Variants in MTA3 observed in about 807,000 individuals in gnomAD.
MTA3 encodes the protein metastasis-associated protein MTA3.
In MTA3, 34 loss-of-function variants were observed where a neutral mutation model predicts 83.5. The ratio of observed to expected loss-of-function variants is 0.41; its 90% confidence interval spans 0.31 to 0.54. The LOEUF is 0.54. MTA3 is among the 20% of genes least tolerant of loss of function. The pLI is 0.33. For missense variants in MTA3, 761 were observed against 726.4 expected, an observed-to-expected ratio of 1.05 and a Z score of -0.55; for synonymous variants, 303 against 252.7, an observed-to-expected ratio of 1.20 and a Z score of -1.89.
At chr2:42,680,776 G>A (rs1691815816) in intron 8 of MTA3, among the ~76,000 whole-genome samples, 1 of 152,078 alleles carries the variant, frequency 6.6e-6, no homozygotes, top group South Asian at 2.1e-4. Context: ...TTAAAAAATA[G>A]GGCATCACTC....
At chr2:42,728,340 T>C (rs1667969025) in intron 16 of MTA3, among the ~76,000 whole-genome samples, 1 of 152,364 alleles carries the variant, frequency 6.6e-6, no homozygotes, top group African/African-American at 2.4e-5. Context: ...AACTTGTCTG[T>C]TGATGGACAC....
intron 16 of MTA3, among the ~76,000 whole-genome samples, chr2:42,736,344 C>T (rs556239446): frequency 3.9e-5 from 6 of 152,288 alleles, no homozygotes; most frequent in African/African-American, 1.2e-4. Context: ...GACACAAGCA[C>T]CCCTGTGGCG....
chr2:42,619,713 A>C (rs1685316258), intron 4 of MTA3, among the ~76,000 whole-genome samples: 1 of 152,202 alleles, frequency 6.6e-6, no homozygotes. Flanking sequence ...AGGATTTTTC[A>C]AATTATTATT....
chr2:42,586,049 C>T (rs964854827), intron 3 of MTA3, among the ~76,000 whole-genome samples: 1 of 151,704 alleles, frequency 6.6e-6, no homozygotes, highest in Non-Finnish European at 1.5e-5. Flanking sequence ...TTTGGGAGGC[C>T]GAGGTGGATG....
At chr2:42,737,519 G>A (rs557617237) in intron 16 of MTA3, among the ~76,000 whole-genome samples, 18 of 152,086 alleles carry the variant, frequency 1.2e-4, no homozygotes, top group African/African-American at 3.6e-4. Flanking sequence ...TACTGTGATC[G>A]CTTACCTGAT....
chr2:42,719,840 A>G (rs1182722067), intron 15 of MTA3, among the ~76,000 whole-genome samples: 3 of 152,232 alleles, frequency 2.0e-5, no homozygotes, highest in South Asian at 2.1e-4. Flanking sequence ...TTACTATGCA[A>G]TAATCTCTTT....
At chr2:42,744,638 T>C (rs1036940303) in intron 16 of MTA3, among the ~76,000 whole-genome samples, 1 of 151,790 alleles carries the variant, frequency 6.6e-6, no homozygotes, top group Non-Finnish European at 1.5e-5. Context: ...CTCTCACATG[T>C]TTTGGGAGGA....
rs141993233 is a variant in MTA3 at position 42,586,534 on chromosome 2, AACAC to A, written c.190+7344_190+7347del. On this transcript the variant is annotated intron_variant, in intron 3 of 16. Coordinates refer to ENST00000405094, the MANE Select transcript of MTA3 (RefSeq NM_001330442.2). ...CACACAAACACACAAAGGAAGGAAA[AACAC>A]ACACACACAAGGAAGGAAAACACAC... 1.7e-3 allele frequency among the ~76,000 whole-genome samples: 226 copies of A among 131,330 alleles called. 5 individuals carry two copies. Among genetic ancestry groups the A allele is most frequent in the African/African-American group, 4.6e-3 (160 of 34,556 alleles). 86.2% of individuals were successfully genotyped at this position (131,330 alleles called of 152,430 possible). A position where few individuals can be genotyped will look rare whatever the true frequency, so the allele number is the denominator to read the frequency against.
chr2:42,558,430 A>G (rs539470098), intron 2 of MTA3, among the ~76,000 whole-genome samples: 1 of 151,796 alleles, frequency 6.6e-6, no homozygotes, highest in South Asian at 2.1e-4. Context: ...TTGTATTTTT[A>G]GTAGAGATGG....
At chr2:42,649,312 G>C (rs552845372) in intron 6 of MTA3, among the ~76,000 whole-genome samples, 1 of 152,010 alleles carries the variant, frequency 6.6e-6, no homozygotes, top group East Asian at 1.9e-4. Flanking sequence ...CAGGAGAATT[G>C]CTTGAACCCA....
intron 4 of MTA3, among the ~76,000 whole-genome samples, chr2:42,609,847 C>T (rs1348248055): frequency 6.6e-6 from 1 of 152,156 alleles, no homozygotes; most frequent in Non-Finnish European, 1.5e-5. Flanking sequence ...GCCTGTAATT[C>T]CAGCACTTTG....
chr2:42,730,400 G>T (rs1385398647), intron 16 of MTA3, among the ~76,000 whole-genome samples: 1 of 151,910 alleles, frequency 6.6e-6, no homozygotes, highest in Non-Finnish European at 1.5e-5. Flanking sequence ...TTGTATTCCT[G>T]GTTTTTTAAG....
chr2:42,711,659 C>G (rs1223749008), intron 14 of MTA3, among the ~76,000 whole-genome samples: 3 of 152,004 alleles, frequency 2.0e-5, no homozygotes, highest in Non-Finnish European at 4.4e-5. Flanking sequence ...CTTATACTTA[C>G]CTTGTTACAA....
chr2:42,598,895 A>G (rs1682187686), intron 3 of MTA3, among the ~76,000 whole-genome samples: 1 of 152,178 alleles, frequency 6.6e-6, no homozygotes. Context: ...GGAAGTGGGT[A>G]CCACTGGAGG....
intron 13 of MTA3, among the ~76,000 whole-genome samples, chr2:42,708,260 C>CA (rs535476539): frequency 3.3e-5 from 5 of 151,844 alleles, no homozygotes; most frequent in African/African-American, 7.3e-5. Context: ...TGGTCTCAGA[C>CA]AAAAAAACAA....
chr2:42,508,750 ATATAT>A (rs1445101220), intron 2 of MTA3, among the ~76,000 whole-genome samples: 1 of 146,786 alleles, frequency 6.8e-6, no homozygotes, highest in African/African-American at 2.5e-5. Flanking sequence ...TTATAATATT[ATATAT>A]TATATAGTAT....
chr2:42,708,356 C>G (rs1273205256), intron 13 of MTA3, among the ~76,000 whole-genome samples: 1 of 152,174 alleles, frequency 6.6e-6, no homozygotes, highest in Non-Finnish European at 1.5e-5. Context: ...CCTTTACATT[C>G]TGTTGAAGGC....
intron 9 of MTA3, among the ~76,000 whole-genome samples, chr2:42,687,397 C>G (rs947704658): frequency 1.3e-5 from 2 of 152,116 alleles, no homozygotes; most frequent in Non-Finnish European, 2.9e-5. Flanking sequence ...CGTTCATTTT[C>G]ACTGCCTAGT....
At chr2:42,634,573 G>A (rs570272063) in intron 4 of MTA3, among the ~76,000 whole-genome samples, 50 of 152,256 alleles carry the variant, frequency 3.3e-4, no homozygotes, top group African/African-American at 1.1e-3. Context: ...TCCCTCCCTC[G>A]ACACGTGAGG....
Sources: allele counts gnomAD v4.1 joint callset (sites outside exome capture counted in the v4.1 genomes callset), GRCh38; gene constraint gnomAD v4.1.1; transcripts MANE v1.5; gene names NCBI Gene and HGNC (gene_info 2026-07-23, HGNC 2026-07-21).